The following RYR3 variants were observed in gnomAD, a reference collection of about 807,000 sequenced individuals.
The protein encoded by RYR3 is brain ryanodine receptor-calcium release channel.
A neutral mutation model predicts 584.3 loss-of-function variants in RYR3; 207 were observed. That is an observed-to-expected ratio of 0.35 (90% CI 0.32 to 0.40). RYR3 has a LOEUF of 0.40. Among genes scored for constraint, RYR3 ranks in the 10% least tolerant of loss-of-function variants. RYR3 has a pLI of 1.00. For synonymous variants in RYR3, 2,416 were observed against 2,248.5 expected, an observed-to-expected ratio of 1.07 and a Z score of -2.11; for missense variants, 5,616 against 6,089.2, an observed-to-expected ratio of 0.92 and a Z score of 2.59.
At chr15:33,346,253 G>A (rs1434150868) in intron 1 of RYR3, among the ~76,000 whole-genome samples, 1 of 152,146 alleles carries the variant, frequency 6.6e-6, no homozygotes, top group Non-Finnish European at 1.5e-5. Context: ...TAACTGAGAG[G>A]GAGTTGGTCA....
At position 33,330,080 on chromosome 15, in the gene RYR3, T is replaced by C. The variant is rs1970198192; in HGVS notation, c.51+18984T>C. ...GGCCAAGAACAGTCATAAGTCAGACTGGACAGTTTTTCCTTGGGTTACATT... is the reference window on the plus strand; with the variant it reads ...GGCCAAGAACAGTCATAAGTCAGACCGGACAGTTTTTCCTTGGGTTACATT... On this transcript the variant is annotated intron_variant, in intron 1 of 103. Transcript: ENST00000634891. Among the ~76,000 whole-genome samples, 2 of 152,180 alleles carry C rather than the reference T, an allele frequency of 1.3e-5. 1 individual carries two copies. Among genetic ancestry groups the C allele is most frequent in the Admixed American group, 1.3e-4 (2 of 15,284 alleles).
rs372963247 is a variant in RYR3, at chr15:33,537,290, C to G, written c.434-2060C>G. Among the ~76,000 whole-genome samples the G allele has an allele frequency of 1.4e-4, 22 of 152,264 alleles. No homozygotes were observed. The East Asian group carries it at 2.3e-3, about 16-fold the overall frequency. On this transcript the variant is annotated intron_variant, in intron 5 of 103. Transcript: ENST00000634891. ...TCTTCTTAGAAACATCAGCCATCAT[C>G]TAGGGAATTTCTGTTGCCTTGCCCT...
intron 3 of RYR3, among the ~76,000 whole-genome samples, chr15:33,504,935 C>T (rs996354691): frequency 6.6e-6 from 1 of 152,170 alleles, no homozygotes; most frequent in African/African-American, 2.4e-5. Flanking sequence ...GTTGAGAAGC[C>T]TCTGCTGACC....
chr15:33,312,888 C>A lies in RYR3; in HGVS notation c.51+1792C>A, dbSNP rs908736650. Among the ~76,000 whole-genome samples the A allele has an allele frequency of 2.6e-5, 4 of 152,158 alleles. No individual in the cohort carries two copies. The South Asian group carries it at 6.2e-4, about 24-fold the overall frequency. On this transcript the variant is annotated intron_variant, in intron 1 of 103. Transcript: ENST00000634891. ...TTTGTTTTTGTTTGTTTTTGGTACA[C>A]CTGTAGCCAAGGTTTACTATAGTAG...
chr15:33,847,873 G>A, intron 93 of RYR3, among the ~76,000 whole-genome samples: 2 of 152,156 alleles, frequency 1.3e-5, no homozygotes, highest in South Asian at 2.1e-4. Context: ...AAGGGAGTTG[G>A]AACATTTCAT....
At chr15:33,332,635 A>G (rs1344671867) in intron 1 of RYR3, among the ~76,000 whole-genome samples, 1 of 152,170 alleles carries the variant, frequency 6.6e-6, no homozygotes, top group Non-Finnish European at 1.5e-5. Flanking sequence ...GAAATCAGTT[A>G]CAACAAAGAT....
At chr15:33,435,689 A>G (rs1482344951) in intron 1 of RYR3, among the ~76,000 whole-genome samples, 1 of 152,164 alleles carries the variant, frequency 6.6e-6, no homozygotes, top group East Asian at 1.9e-4. Flanking sequence ...TAAAGGTGGC[A>G]TGTCCGGAGT....
intron 2 of RYR3, among the ~76,000 whole-genome samples, chr15:33,496,969 T>C (rs2051492822): frequency 6.6e-6 from 1 of 152,218 alleles, no homozygotes; most frequent in African/African-American, 2.4e-5. Flanking sequence ...TTACTTCGTT[T>C]GTTTGTCCCC....
chr15:33,753,732 G>C (rs2071546764), intron 57 of RYR3, among the ~76,000 whole-genome samples: 1 of 152,132 alleles, frequency 6.6e-6, no homozygotes. Context: ...TTGTCGAACA[G>C]GAAAGGTCAG....
chr15:33,857,947 C>T, intron 99 of RYR3, 33 bp downstream of exon 99: 1 of 1,610,414 alleles, frequency 6.2e-7, no homozygotes. Flanking sequence ...GCCAGCCCAC[C>T]CACTGCGGGG....
intron 19 of RYR3, among the ~76,000 whole-genome samples, chr15:33,619,354 A>T (rs921788941): frequency 1.3e-5 from 2 of 152,158 alleles, no homozygotes; most frequent in Non-Finnish European, 2.9e-5. Context: ...CATTTTGGGG[A>T]TGCTGGGTGA....
chr15:33,650,568 G>T (rs1429761548), intron 31 of RYR3, among the ~76,000 whole-genome samples: 1 of 152,152 alleles, frequency 6.6e-6, no homozygotes, highest in African/African-American at 2.4e-5. Context: ...TTTTAGGACA[G>T]TGCCTCAACT....
At chr15:33,536,579 G>A (rs11072523) in intron 5 of RYR3, among the ~76,000 whole-genome samples, 130,905 of 152,114 alleles carry the variant, frequency 0.86, 56,892 homozygotes, top group Middle Eastern at 0.98. Flanking sequence ...GGGAAGCAAA[G>A]TACTCTTTCT....
chr15:33,328,839 C>T (rs1284567725), intron 1 of RYR3, among the ~76,000 whole-genome samples: 1 of 152,166 alleles, frequency 6.6e-6, no homozygotes, highest in Non-Finnish European at 1.5e-5. Context: ...CTTCCTTCAT[C>T]CTTTGCTTAC....
intron 18 of RYR3, among the ~76,000 whole-genome samples, chr15:33,607,730 A>G (rs2059976452): frequency 6.6e-6 from 1 of 152,176 alleles, no homozygotes; most frequent in Non-Finnish European, 1.5e-5. Context: ...TTTTTCTAAT[A>G]TTATAAAAGG....
intron 38 of RYR3, among the ~76,000 whole-genome samples, chr15:33,683,837 G>A (rs564762469): frequency 6.6e-6 from 1 of 152,278 alleles, no homozygotes; most frequent in Admixed American, 6.5e-5. Context: ...ATTCTCTCCT[G>A]TGCCTGCCTC....
At chr15:33,578,163 T>G (rs888711705) in intron 12 of RYR3, among the ~76,000 whole-genome samples, 1 of 152,154 alleles carries the variant, frequency 6.6e-6, no homozygotes, top group Non-Finnish European at 1.5e-5. Flanking sequence ...TCGGTAGGAA[T>G]GTAAATTAGT....
chr15:33,566,437 AC>A (rs2057719434), intron 11 of RYR3, among the ~76,000 whole-genome samples: 2 of 152,184 alleles, frequency 1.3e-5, no homozygotes, highest in South Asian at 4.1e-4. Context: ...GGTAACTCAT[AC>A]CATGGTGGCA....
chr15:33,663,902 G>A (rs2063313321), intron 36 of RYR3, among the ~76,000 whole-genome samples, 165 bp downstream of exon 36: 1 of 152,154 alleles, frequency 6.6e-6, no homozygotes, highest in African/African-American at 2.4e-5. Context: ...GAAAGCTAAG[G>A]AATATGTGCC....
Sources: gnomAD v4.1 joint callset for allele counts (sites outside exome capture counted in the v4.1 genomes callset) on GRCh38, gnomAD v4.1.1 for gene constraint, MANE v1.5 for transcripts, NCBI Gene and HGNC (gene_info 2026-07-23, HGNC 2026-07-21) for gene names.